Variants in SMYD3 observed in about 807,000 individuals in gnomAD.
SMYD3 encodes SET and MYND domain containing 3, also known as histone-lysine N-methyltransferase SMYD3.
SMYD3 carries 36 observed loss-of-function variants against 57.7 expected under a neutral mutation model. The observed-to-expected ratio is 0.62, with a 90% CI of 0.48 to 0.82. The LOEUF is 0.82. Among genes scored for constraint, SMYD3 ranks in the 40% least tolerant of loss-of-function variants. The pLI, the probability that SMYD3 is intolerant of heterozygous loss-of-function variation, is 0.00. For missense variants in SMYD3, 515 were observed against 538.8 expected (o/e 0.96, Z 0.44); for synonymous variants, 211 against 195.0 (o/e 1.08, Z -0.68).
intron 8 of SMYD3, among the ~76,000 whole-genome samples, chr1:245,892,328 C>G (rs190952700): frequency 3.2e-4 from 48 of 152,310 alleles, no homozygotes; most frequent in Non-Finnish European, 5.9e-4. Flanking sequence ...TCTACCATCT[C>G]CCAATCTATA....
At chr1:246,244,156 A>C (rs1453641955) in intron 5 of SMYD3, among the ~76,000 whole-genome samples, 1 of 152,070 alleles carries the variant, frequency 6.6e-6, no homozygotes, top group Non-Finnish European at 1.5e-5. Flanking sequence ...CTAAACATAG[A>C]CTATATATAA....
intron 10 of SMYD3, among the ~76,000 whole-genome samples, chr1:245,837,249 A>AAG (rs1553338031): frequency 6.6e-6 from 1 of 151,230 alleles, no homozygotes; most frequent in Admixed American, 6.6e-5. Context: ...AAAAAAAAAA[A>AAG]AAGAAGAAGA....
intron 5 of SMYD3, among the ~76,000 whole-genome samples, chr1:246,268,670 C>T (rs1385691766): frequency 6.6e-6 from 1 of 151,982 alleles, no homozygotes; most frequent in Admixed American, 6.5e-5. Flanking sequence ...CGCCACTGCA[C>T]ACCAGCCTGA....
intron 8 of SMYD3, among the ~76,000 whole-genome samples, chr1:245,872,124 C>T (rs1055505903): frequency 2.6e-5 from 4 of 151,766 alleles, no homozygotes; most frequent in Non-Finnish European, 5.9e-5. Flanking sequence ...TACTGCCTGG[C>T]GGCAATGAGC....
chr1:245,907,041 TAGA>T (rs926852005), intron 8 of SMYD3, among the ~76,000 whole-genome samples: 76 of 151,930 alleles, frequency 5.0e-4, no homozygotes, highest in African/African-American at 1.8e-3. Context: ...ACAGAGAGAG[TAGA>T]AGGAGGCTTC....
chr1:246,278,216 T>C (rs75521037), intron 5 of SMYD3, among the ~76,000 whole-genome samples: 141 of 149,804 alleles, frequency 9.4e-4, no homozygotes, highest in Middle Eastern at 6.9e-3. Flanking sequence ...TATGTCGATG[T>C]CCCTTTCCGT....
chr1:246,351,463 A>C (rs2065822207), intron 2 of SMYD3, among the ~76,000 whole-genome samples: 1 of 152,206 alleles, frequency 6.6e-6, no homozygotes, highest in African/African-American at 2.4e-5. Flanking sequence ...TTGATCTCAT[A>C]ATCATGTGTG....
chr1:246,396,747 A>G (rs2066680611), intron 1 of SMYD3, among the ~76,000 whole-genome samples: 1 of 152,196 alleles, frequency 6.6e-6, no homozygotes, highest in South Asian at 2.1e-4. Flanking sequence ...TTCTCCTGCC[A>G]GCCATGGTGA....
intron 1 of SMYD3, among the ~76,000 whole-genome samples, chr1:246,419,850 C>T (rs917833229): frequency 1.1e-4 from 16 of 152,222 alleles, no homozygotes; most frequent in African/African-American, 1.2e-4. Flanking sequence ...AACTATCTTC[C>T]GCAAAACCAG....
intron 5 of SMYD3, among the ~76,000 whole-genome samples, chr1:246,243,614 A>T (rs2063654137): frequency 6.6e-6 from 1 of 151,984 alleles, no homozygotes; most frequent in Non-Finnish European, 1.5e-5. Context: ...TACATTATAT[A>T]TATGAATATT....
intron 5 of SMYD3, among the ~76,000 whole-genome samples, chr1:246,077,930 C>T (rs2060574943): frequency 2.6e-5 from 4 of 152,078 alleles, no homozygotes; most frequent in Non-Finnish European, 5.9e-5. Context: ...ATCTGTCTTC[C>T]TTTCTTTAGA....
intron 10 of SMYD3, among the ~76,000 whole-genome samples, chr1:245,823,185 A>G (rs757691190): frequency 1.1e-4 from 16 of 152,348 alleles, no homozygotes; most frequent in Non-Finnish European, 1.8e-4. Flanking sequence ...GTGACCAGTA[A>G]CAGGAATGGC....
intron 1 of SMYD3, among the ~76,000 whole-genome samples, chr1:246,395,109 C>T (rs771402103): frequency 1.5e-4 from 23 of 152,292 alleles, no homozygotes; most frequent in East Asian, 3.9e-4. Context: ...AGAGGCAATT[C>T]GGTCACTTGT....
chr1:245,935,789 G>T (rs1470002514), intron 5 of SMYD3, among the ~76,000 whole-genome samples: 1 of 152,138 alleles, frequency 6.6e-6, no homozygotes, highest in Admixed American at 6.5e-5. Flanking sequence ...GGTACAAAAA[G>T]ACAAATAATC....
chr1:246,284,056 G>A (rs956049933), intron 5 of SMYD3, among the ~76,000 whole-genome samples: 1 of 152,198 alleles, frequency 6.6e-6, no homozygotes. Context: ...AAGTCTTGCT[G>A]GAGAGGTACA....
chr1:246,346,865 T>G (rs961659709), intron 2 of SMYD3, among the ~76,000 whole-genome samples: 2 of 152,156 alleles, frequency 1.3e-5, no homozygotes, highest in African/African-American at 4.8e-5. Context: ...ATGGCAAGGA[T>G]GTTGGAATTA....
chr1:246,042,928 GCTACTCTTA>G (rs973958538), intron 5 of SMYD3, among the ~76,000 whole-genome samples: 6 of 152,084 alleles, frequency 3.9e-5, no homozygotes, highest in Non-Finnish European at 7.4e-5. Flanking sequence ...CTGAATAGTG[GCTACTCTTA>G]ATAAATACGT....
At chr1:246,266,852 T>C (rs1266875904) in intron 5 of SMYD3, among the ~76,000 whole-genome samples, 1 of 151,876 alleles carries the variant, frequency 6.6e-6, no homozygotes, top group African/African-American at 2.4e-5. Flanking sequence ...ACAGAGAAAA[T>C]ACTTTTTCGA....
At chr1:246,437,837 G>A (rs2067403053) in intron 1 of SMYD3, among the ~76,000 whole-genome samples, 1 of 152,128 alleles carries the variant, frequency 6.6e-6, no homozygotes. Context: ...AAACTGAAAT[G>A]CAATAATGCA....
Sources: gnomAD v4.1 joint callset for allele counts (sites outside exome capture counted in the v4.1 genomes callset) on GRCh38, gnomAD v4.1.1 for gene constraint, MANE v1.5 for transcripts, NCBI Gene and HGNC (gene_info 2026-07-23, HGNC 2026-07-21) for gene names.